FBXO48: variants seen among roughly 807,000 people sequenced by gnomAD.
FBXO48 encodes F-box only protein 48.
FBXO48 carries 12 observed loss-of-function variants against 14.3 expected under a neutral mutation model. The observed-to-expected ratio is 0.84, with a 90% CI of 0.54 to 1.36. FBXO48 has a LOEUF of 1.36. Among genes scored for constraint, FBXO48 ranks in the 40% most tolerant of loss-of-function variants. The probability of loss-of-function intolerance (pLI) is 0.00; values close to 1 mark genes in which losing one functional copy is unlikely to be tolerated. For missense variants in FBXO48, 177 were observed against 179.1 expected (o/e 0.99, Z 0.07); for synonymous variants, 53 against 61.7 (o/e 0.86, Z 0.66).
chr2:68,464,695 C>T (rs1675353607), intron 3 of FBXO48, 145 bp downstream of exon 3: 1 of 660,272 alleles, frequency 1.5e-6, no homozygotes, highest in Admixed American at 2.6e-5. Flanking sequence ...AGACTAATAA[C>T]TTTAACTCAT....
At position 68,463,439 on chromosome 2, in the gene FBXO48, C is replaced by T. The variant is rs1675317465; in HGVS notation, c.*770G>A. 1.3e-5 allele frequency: 2 copies of T among 151,662 alleles called. No homozygotes were observed. Among genetic ancestry groups the T allele is most frequent in the African/African-American group, 4.9e-5 (2 of 41,216 alleles). 9.4% of individuals were successfully genotyped at this position (151,662 alleles called of 1,614,324 possible). ...TTAATATGGAGAAAACAAAAAGGAGCTGAAAGTCCTTTGTCTTGCTATCTA... is the reference window on the plus strand; with the variant it reads ...TTAATATGGAGAAAACAAAAAGGAGTTGAAAGTCCTTTGTCTTGCTATCTA... On this transcript the variant is annotated 3_prime_UTR_variant, in exon 4 of 4. Coordinates refer to ENST00000377957, the MANE Select transcript of FBXO48 (RefSeq NM_001024680.3).
rs377702943 is a variant in FBXO48 at position 68,464,389 on chromosome 2, C to G, written c.307-19G>C. The G allele has an allele frequency of 2.5e-6, 4 of 1,610,584 alleles. No homozygotes were observed. In the East Asian group the frequency reaches 8.9e-5, roughly 36 times the overall value. On this transcript the variant is annotated intron_variant, in intron 3 of 3. Transcript: ENST00000377957. ...GTATCACCTGAAAGAGGTAAATCAC[C>G]GTTAAAAAAGACTGTAGTAGGTGGT... is the stretch of plus-strand genomic sequence containing the variant.
In FBXO48 at chr2:68,464,250, C is replaced by A. The variant is rs570294284; in HGVS notation, c.427G>T (p.Asp143Tyr). The A allele has an allele frequency of 8.5e-5, 137 of 1,613,760 alleles. 3 individuals carry two copies. The South Asian group carries it at 1.5e-3, about 17-fold the overall frequency. Residue 143 changes from aspartate to tyrosine, a missense_variant, in exon 4 of 4, where the codon GAT (aspartate) becomes TAT (tyrosine). Transcript: ENST00000377957. ...GCTTCTAGAATTTCCCCCCATGTAT[C>A]TGCATCCATTGGGTACATGATTTTT... Reference protein sequence around the residue: ...PEKIMYPMDADTWGEILEAEL... With the variant: ...PEKIMYPMDAYTWGEILEAEL...
chr2:68,465,219 A>G, intron 2 of FBXO48, 41 bp from the exon 3 acceptor site: 1 of 1,003,794 alleles, frequency 1.0e-6, no homozygotes, highest in Non-Finnish European at 1.4e-6. Flanking sequence ...TCCAAATAGG[A>G]GTATAAATCC....
chr2:68,464,567 G>A (rs1675349709), intron 3 of FBXO48, among the ~76,000 whole-genome samples, 197 bp from the exon 4 acceptor site: 3 of 152,178 alleles, frequency 2.0e-5, no homozygotes, highest in Admixed American at 2.0e-4. Context: ...ATAAGGTGAA[G>A]TGGAAAGAAG....
Position 68,459,541 on chromosome 2 carries a change from T to C in FBXO48, c.*4668A>G, listed in dbSNP as rs1356133669. 1 of 152,216 alleles carries C rather than the reference T, an allele frequency of 6.6e-6. No homozygotes were observed. Among genetic ancestry groups the C allele is most frequent in the African/African-American group, 2.4e-5 (1 of 41,464 alleles). 9.4% of individuals were successfully genotyped at this position (152,216 alleles called of 1,614,324 possible). A position where few individuals can be genotyped will look rare whatever the true frequency, so the allele number is the denominator to read the frequency against. ...GGAACAATTATTCATACATTTGTATTACTATCAAGCATCCCACATACCTTA... is the reference window on the plus strand; with the variant it reads ...GGAACAATTATTCATACATTTGTATCACTATCAAGCATCCCACATACCTTA... On this transcript the variant is annotated 3_prime_UTR_variant, in exon 4 of 4. Coordinates refer to ENST00000377957, the MANE Select transcript of FBXO48 (RefSeq NM_001024680.3).
At position 68,461,213 on chromosome 2, in the gene FBXO48, C is replaced by T. The variant is rs113208984; in HGVS notation, c.*2996G>A. 3,903 of 151,966 alleles carry T rather than the reference C, an allele frequency of 0.026. 65 individuals carry two copies. The highest frequency in any genetic ancestry group is 0.044 in the South Asian group (211 of 4,802). 9.4% of individuals were successfully genotyped at this position (151,966 alleles called of 1,614,324 possible). A position where few individuals can be genotyped will look rare whatever the true frequency, so the allele number is the denominator to read the frequency against. ...CTGGGACCAGGGTCTGGAATATAAT[C>T]AGGCCTCTTTCCCTGCAATTGTTCT... On this transcript the variant is annotated 3_prime_UTR_variant, in exon 4 of 4. Transcript: ENST00000377957.
At position 68,462,261 on chromosome 2, in the gene FBXO48, T is replaced by C. The variant is rs547853300; in HGVS notation, c.*1948A>G. The stretch of plus-strand genomic sequence containing the variant: ...CATTTACTATTGTACACAGATGCTA[T>C]TCAGCAAAATGCTTATAGCTTTAAT... On this transcript the variant is annotated 3_prime_UTR_variant, in exon 4 of 4. Transcript: ENST00000377957. 7 of 152,336 alleles carry C rather than the reference T, an allele frequency of 4.6e-5. No homozygotes were observed. The East Asian group carries it at 1.2e-3, about 25-fold the overall frequency. The allele number at this position is 152,336 out of a possible 1,614,324, so 9.4% of individuals were successfully genotyped here. A position where few individuals can be genotyped will look rare whatever the true frequency, so the allele number is the denominator to read the frequency against.
rs907355951 is a variant in FBXO48, at chr2:68,461,669, T to C, written c.*2540A>G. ...GAAAGGGCTTCTTTCTTCCAACTTA[T>C]GAAAAGGGGGGATTGGGTCATGTTT... On this transcript the variant is annotated 3_prime_UTR_variant, in exon 4 of 4. Transcript: ENST00000377957. 2.7e-5 allele frequency: 4 copies of C among 150,136 alleles called. No individual in the cohort carries two copies. The highest frequency in any genetic ancestry group is 9.8e-5 in the African/African-American group (4 of 40,672). The allele number at this position is 150,136 out of a possible 1,614,324, so 9.3% of individuals were successfully genotyped here.
chr2:68,464,883 C>A lies in FBXO48; in HGVS notation c.263G>T (p.Arg88Leu). 6.2e-7 allele frequency: 1 copy of A among 1,613,524 alleles called. No homozygotes were observed. Among genetic ancestry groups the A allele is most frequent in the Non-Finnish European group, 8.5e-7 (1 of 1,179,968 alleles). ...TTCTAGATCATCATCTATTTCTCTT[C>A]GGCACACAGCTCTTACAGTCATGCA... ...PHCMTVRAVC[R>L]REIDDDLESG... Residue 88 changes from arginine to leucine, a missense_variant, in exon 3 of 4, where the codon CGA (arginine) becomes CTA (leucine). Physicochemically the swap from Arg to Leu is moderately radical, Grantham distance 102. Coordinates refer to ENST00000377957, the MANE Select transcript of FBXO48 (RefSeq NM_001024680.3).
At position 68,460,902 on chromosome 2, in the gene FBXO48, G is replaced by C. The variant is rs561486631; in HGVS notation, c.*3307C>G. ...GAAGTACTTATGTGTGTCAGTGTGA[G>C]TGTTTATGTGTGTCAAATATATTAA... is the stretch of plus-strand genomic sequence containing the variant. On this transcript the variant is annotated 3_prime_UTR_variant, in exon 4 of 4. Transcript: ENST00000377957. The C allele has an allele frequency of 2.6e-5, 4 of 152,200 alleles. No homozygotes were observed. The highest frequency in any genetic ancestry group is 9.7e-5 in the African/African-American group (4 of 41,444). 9.4% of individuals were successfully genotyped at this position (152,200 alleles called of 1,614,324 possible). A position where few individuals can be genotyped will look rare whatever the true frequency, so the allele number is the denominator to read the frequency against.
chr2:68,464,209 T>G lies in FBXO48; in HGVS notation c.468A>C (p.Ter156TyrextTer11), dbSNP rs749130682. Reference sequence around the variant, plus strand: ...CTGAGATTTGTGATTTTTTTTCCCCTTATCTTTCCAGTTCTGCTTCTAGAA... The same window carrying G: ...CTGAGATTTGTGATTTTTTTTCCCCGTATCTTTCCAGTTCTGCTTCTAGAA... The part of the protein sequence containing the change: ...GEILEAELER[*>Y] Residue 156 changes from the stop codon to tyrosine (Y), a stop_lost, in exon 4 of 4, where the codon TAA becomes TAC. Coordinates refer to ENST00000377957, the MANE Select transcript of FBXO48 (RefSeq NM_001024680.3). 2.0e-5 allele frequency: 33 copies of G among 1,612,908 alleles called. No homozygotes were observed. Among genetic ancestry groups the G allele is most frequent in the Middle Eastern group, 1.6e-4 (1 of 6,080 alleles).
chr2:68,460,822 G>A lies in FBXO48; in HGVS notation c.*3387C>T, dbSNP rs1288414298. The A allele has an allele frequency of 6.6e-6, 1 of 152,160 alleles. No individual in the cohort carries two copies. The highest frequency in any genetic ancestry group is 1.9e-4 in the East Asian group (1 of 5,192). 9.4% of individuals were successfully genotyped at this position (152,160 alleles called of 1,614,324 possible). ...GAAACTGAGAAGACGGGTTAGAGTA[G>A]GGAAAGAAAAGTCCAAGAGACTATA... is the stretch of plus-strand genomic sequence containing the variant. On this transcript the variant is annotated 3_prime_UTR_variant, in exon 4 of 4. Coordinates refer to ENST00000377957, the MANE Select transcript of FBXO48 (RefSeq NM_001024680.3).
chr2:68,464,796 A>C (rs760943896), intron 3 of FBXO48, 44 bp downstream of exon 3: 10 of 1,461,700 alleles, frequency 6.8e-6, no homozygotes, highest in Non-Finnish European at 9.4e-6. Flanking sequence ...ACCTGCTATC[A>C]TAACGCTGTC....
In FBXO48 at chr2:68,462,550, G is replaced by A. The variant is rs1178124005; in HGVS notation, c.*1659C>T. ...TTTTTGTATATTTAGTAGAGACAGG[G>A]TTTCACCATGTTGACCAGGCTGGTC... On this transcript the variant is annotated 3_prime_UTR_variant, in exon 4 of 4. Transcript: ENST00000377957. 1 of 152,198 alleles carries A rather than the reference G, an allele frequency of 6.6e-6. No homozygotes were observed. The highest frequency in any genetic ancestry group is 1.5e-5 in the Non-Finnish European group (1 of 68,074). 9.4% of individuals were successfully genotyped at this position (152,198 alleles called of 1,614,324 possible).
Position 68,463,313 on chromosome 2 carries a change from G to A in FBXO48, c.*896C>T, listed in dbSNP as rs1385358804. On this transcript the variant is annotated 3_prime_UTR_variant, in exon 4 of 4. Transcript: ENST00000377957. The stretch of plus-strand genomic sequence containing the variant: ...CATATAATCTGTTTTTATGAAAAAA[G>A]AGAAACAAAAGTTTTTAAAAGTTAA... 6.6e-6 allele frequency: 1 copy of A among 151,924 alleles called. No individual in the cohort carries two copies. Among genetic ancestry groups the A allele is most frequent in the Non-Finnish European group, 1.5e-5 (1 of 67,960 alleles). 9.4% of individuals were successfully genotyped at this position (151,924 alleles called of 1,614,324 possible). A position where few individuals can be genotyped will look rare whatever the true frequency, so the allele number is the denominator to read the frequency against.
At position 68,465,128 on chromosome 2, in the gene FBXO48, C is replaced by A; in HGVS notation, c.18G>T (p.Lys6Asn). The change falls in exon 3 of 4, where the codon AAG (lysine) becomes AAT (asparagine). Residue 6 changes from lysine to asparagine, a missense_variant. By Grantham distance (94) the Lys-to-Asn change is moderately conservative. Coordinates refer to ENST00000377957, the MANE Select transcript of FBXO48 (RefSeq NM_001024680.3). The stretch of plus-strand genomic sequence containing the variant: ...GAGAAACTCTTAAATTATTGTTTCT[C>A]TTGGAGTTTTTATGCATAGCTTAAT... MHKNS[K>N]RNNNLRVSHT... The A allele has an allele frequency of 6.2e-7, 1 of 1,608,152 alleles. No individual in the cohort carries two copies. Among genetic ancestry groups the A allele is most frequent in the Non-Finnish European group, 8.5e-7 (1 of 1,177,108 alleles).
chr2:68,464,703 C>A (rs1321911363), intron 3 of FBXO48, 137 bp downstream of exon 3: 7 of 677,058 alleles, frequency 1.0e-5, no homozygotes, highest in Non-Finnish European at 1.5e-5. Flanking sequence ...AACTTTAACT[C>A]ATTTCCAAGA....
chr2:68,464,013 C>T lies in FBXO48; in HGVS notation c.*196G>A. 11 of 484,148 alleles carry T rather than the reference C, an allele frequency of 2.3e-5. No individual in the cohort carries two copies. The highest frequency in any genetic ancestry group is 6.5e-5 in the South Asian group (2 of 30,540). The allele number at this position is 484,148 out of a possible 1,614,324, so 30.0% of individuals were successfully genotyped here. ...TAAAAATAACATTTCATGATTTTTCCACATTACAATAAAACCAGAAAAATT... is the reference window on the plus strand; with the variant it reads ...TAAAAATAACATTTCATGATTTTTCTACATTACAATAAAACCAGAAAAATT... On this transcript the variant is annotated 3_prime_UTR_variant, in exon 4 of 4. Coordinates refer to ENST00000377957, the MANE Select transcript of FBXO48 (RefSeq NM_001024680.3).
Sources: gnomAD v4.1 joint callset for allele counts (sites outside exome capture counted in the v4.1 genomes callset) on GRCh38, gnomAD v4.1.1 for gene constraint, MANE v1.5 for transcripts, NCBI Gene and HGNC (gene_info 2026-07-23, HGNC 2026-07-21) for gene names.